The following COL13A1 variants were observed in gnomAD, a reference collection of about 807,000 sequenced individuals.
COL13A1 encodes the protein collagen alpha-1(XIII) chain.
In COL13A1, 89 loss-of-function variants were observed where a neutral mutation model predicts 130.9. The observed-to-expected ratio is 0.68, with a 90% CI of 0.57 to 0.81. The LOEUF is 0.81. COL13A1 is among the 30% of genes least tolerant of loss of function. COL13A1 has a pLI of 0.00. For synonymous variants in COL13A1, 402 were observed against 341.6 expected (o/e 1.18, Z -1.95); for missense variants, 879 against 934.6 (o/e 0.94, Z 0.78).
At chr10:69,898,022 C>T (rs2061822965) in intron 13 of COL13A1, among the ~76,000 whole-genome samples, 2 of 152,180 alleles carry the variant, frequency 1.3e-5, no homozygotes, top group South Asian at 4.1e-4. Flanking sequence ...GGCCCCGCAG[C>T]CCCAGGGTGA....
chr10:69,921,132 C>G (rs1056119056), intron 21 of COL13A1, among the ~76,000 whole-genome samples: 1 of 152,076 alleles, frequency 6.6e-6, no homozygotes, highest in East Asian at 1.9e-4. Flanking sequence ...GTTAGCAGGG[C>G]GGGCTCCATC....
At chr10:69,918,700 T>C (rs2064236095) in intron 19 of COL13A1, among the ~76,000 whole-genome samples, 1 of 152,200 alleles carries the variant, frequency 6.6e-6, no homozygotes, top group Admixed American at 6.5e-5. Flanking sequence ...GGCAGGCAGA[T>C]GTGAGGACAG....
chr10:69,911,856 C>G (rs1486428332), intron 17 of COL13A1, among the ~76,000 whole-genome samples: 2 of 152,232 alleles, frequency 1.3e-5, no homozygotes, highest in African/African-American at 4.8e-5. Flanking sequence ...CCAATAAAGC[C>G]TGGAGGAGGC....
chr10:69,843,191 C>A (rs1435771408), intron 2 of COL13A1, among the ~76,000 whole-genome samples: 1 of 151,944 alleles, frequency 6.6e-6, no homozygotes, highest in Non-Finnish European at 1.5e-5. Flanking sequence ...GATTCAGCCT[C>A]CACGTGGAGG....
chr10:69,897,421 C>A lies in COL13A1; in HGVS notation c.685-1276C>A. 7 of 1,585,758 alleles carry A rather than the reference C, an allele frequency of 4.4e-6. No homozygotes were observed. In the South Asian group the frequency reaches 6.7e-5, roughly 15 times the overall value. On this transcript the variant is annotated intron_variant, in intron 13 of 40. Transcript: ENST00000645393. Reference sequence around the variant, plus strand: ...GGGGAGCTGGTGTCTGTGGGCTCTCCCCTCACGGTCCCTGTCGCCCTGTCT... The same window carrying A: ...GGGGAGCTGGTGTCTGTGGGCTCTCACCTCACGGTCCCTGTCGCCCTGTCT...
At position 69,944,958 on chromosome 10, in the gene COL13A1, C is replaced by A. The variant is rs114292867; in HGVS notation, c.1969-713C>A. On this transcript the variant is annotated intron_variant, in intron 36 of 40. Transcript: ENST00000645393. ...TAGGCCAGGCTCCCACGGTCGCTGT[C>A]GATGGACGTTGGCCATGTCACAGGA... Among the ~76,000 whole-genome samples the A allele has an allele frequency of 6.4e-3, 970 of 152,350 alleles. 13 individuals carry two copies. Among genetic ancestry groups the A allele is most frequent in the African/African-American group, 0.022 (914 of 41,570 alleles).
In COL13A1 at chr10:69,952,338, C is replaced by A. The variant is rs73271613; in HGVS notation, c.2059-544C>A. 9.9e-3 allele frequency among the ~76,000 whole-genome samples: 1,502 copies of A among 152,268 alleles called. 24 individuals are homozygous for A. Among genetic ancestry groups the A allele is most frequent in the African/African-American group, 0.034 (1,427 of 41,544 alleles). On this transcript the variant is annotated intron_variant, in intron 38 of 40. Transcript: ENST00000645393. Reference sequence around the variant, plus strand: ...ACACACACATATACACAAGCACATACCTGTATACTCATACATACATATACA... The same window carrying A: ...ACACACACATATACACAAGCACATAACTGTATACTCATACATACATATACA...
chr10:69,813,315 C>T (rs1843551331), intron 1 of COL13A1, among the ~76,000 whole-genome samples: 1 of 152,164 alleles, frequency 6.6e-6, no homozygotes. Flanking sequence ...GGGCCCGGTT[C>T]CTTGACTCCT....
intron 31 of COL13A1, 114 bp downstream of exon 31, chr10:69,932,718 GCAC>G (rs940235910): frequency 1.3e-5 from 9 of 712,552 alleles, no homozygotes; most frequent in Non-Finnish European, 2.0e-5. Context: ...CGTTTACTGA[GCAC>G]CACCATAGGT....
At chr10:69,949,584 G>A (rs530573717) in intron 38 of COL13A1, among the ~76,000 whole-genome samples, 1 of 152,310 alleles carries the variant, frequency 6.6e-6, no homozygotes, top group Non-Finnish European at 1.5e-5. Flanking sequence ...CCTGTTCATG[G>A]AAGGAAAGTC....
chr10:69,954,953 C>T (rs34931480), intron 39 of COL13A1: 27,606 of 152,222 alleles, frequency 0.18, 3,137 homozygotes, highest in Non-Finnish European at 0.24. Flanking sequence ...TAGGCCTCCA[C>T]GCTGATCCTC....
At chr10:69,854,226 T>A (rs1855774185) in intron 2 of COL13A1, among the ~76,000 whole-genome samples, 1 of 152,158 alleles carries the variant, frequency 6.6e-6, no homozygotes, top group African/African-American at 2.4e-5. Flanking sequence ...TCCTTTTCCC[T>A]TTGCCCCTTC....
At chr10:69,820,777 C>T (rs906233913) in intron 1 of COL13A1, among the ~76,000 whole-genome samples, 1 of 152,152 alleles carries the variant, frequency 6.6e-6, no homozygotes, top group Admixed American at 6.5e-5. Context: ...TCACTGTGTT[C>T]CCTCCCCAGG....
chr10:69,908,817 C>G (rs1212622211), intron 17 of COL13A1, among the ~76,000 whole-genome samples: 1 of 152,204 alleles, frequency 6.6e-6, no homozygotes, highest in African/African-American at 2.4e-5. Flanking sequence ...CCTCCCTGCT[C>G]TAGTGTGGAA....
intron 22 of COL13A1, among the ~76,000 whole-genome samples, 197 bp downstream of exon 22, chr10:69,922,132 C>T (rs747792670): frequency 2.0e-5 from 3 of 151,964 alleles, no homozygotes; most frequent in South Asian, 2.1e-4. Context: ...AATAAAATGC[C>T]GAAATGTAAA....
intron 1 of COL13A1, among the ~76,000 whole-genome samples, chr10:69,812,170 C>A (rs1843227890): frequency 1.3e-5 from 2 of 152,352 alleles, no homozygotes; most frequent in South Asian, 4.1e-4. Flanking sequence ...AAATGTGACC[C>A]ATATGGCCTT....
chr10:69,942,841 C>A lies in COL13A1; in HGVS notation c.1915-1284C>A, dbSNP rs373020974. On this transcript the variant is annotated intron_variant, in intron 35 of 40. Transcript: ENST00000645393. The stretch of plus-strand genomic sequence containing the variant: ...CCGTGGCGCTGTGCCCAACCACTGG[C>A]CCGAGCTGACTCCTTATTGTTTTTG... Among the ~76,000 whole-genome samples the A allele has an allele frequency of 2.0e-5, 3 of 152,304 alleles. No individual in the cohort carries two copies. The East Asian group carries it at 5.8e-4, about 30-fold the overall frequency.
chr10:69,825,797 C>A (rs922602409), intron 2 of COL13A1, among the ~76,000 whole-genome samples: 1 of 152,208 alleles, frequency 6.6e-6, no homozygotes, highest in African/African-American at 2.4e-5. Context: ...CTGCCTCTTT[C>A]CCTTTCTATC....
chr10:69,876,501 A>G (rs2763362), intron 5 of COL13A1, among the ~76,000 whole-genome samples: 27,525 of 152,172 alleles, frequency 0.18, 2,608 homozygotes, highest in Middle Eastern at 0.26. Context: ...GGAGGCATGC[A>G]GGCTGGGAGC....
Sources: allele counts gnomAD v4.1 joint callset (sites outside exome capture counted in the v4.1 genomes callset), GRCh38; gene constraint gnomAD v4.1.1; transcripts MANE v1.5; gene names NCBI Gene and HGNC (gene_info 2026-07-23, HGNC 2026-07-21).